AATK: variants seen among roughly 807,000 people sequenced by gnomAD.
AATK encodes the protein serine/threonine-protein kinase LMTK1.
AATK carries 91 observed loss-of-function variants against 114.3 expected under a neutral mutation model. That is an observed-to-expected ratio of 0.80 (90% confidence interval 0.67 to 0.95). The LOEUF (loss-of-function observed/expected upper bound fraction) is 0.95, where lower values mean the gene tolerates loss of function less well. Among genes scored for constraint, AATK ranks in the 40% least tolerant of loss-of-function variants. The pLI, the probability that AATK is intolerant of heterozygous loss-of-function variation, is 0.00. For synonymous variants in AATK, 1,075 were observed against 916.5 expected (o/e 1.17, Z -3.12); for missense variants, 2,176 against 1,965.2 (o/e 1.11, Z -2.03).
Position 81,126,506 on chromosome 17 carries a change from C to G in AATK, c.676G>C (p.Asp226His). The G allele has an allele frequency of 6.4e-7, 1 of 1,550,990 alleles. No homozygotes were observed. Residue 226 changes from aspartate to histidine, a missense_variant, in exon 7 of 14, where the codon GAC (aspartate) becomes CAC (histidine). Transcript: ENST00000326724. The surrounding 1 kb of genome is among the most constrained non-coding windows in gnomAD (Gnocchi z 5.1). The part of the protein sequence containing the change: ...SCRVAESMAP[D>H]PRTLQRMACE... The stretch of plus-strand genomic sequence containing the variant: ...GCCATGCGCTGCAGGGTCCGGGGGT[C>G]GGGAGCCATGGACTCCGCCACCCGG...
At chr17:81,124,192 A>AGGTGAGGCAG (rs1266848573) in intron 9 of AATK, among the ~76,000 whole-genome samples, 1 of 151,760 alleles carries the variant, frequency 6.6e-6, no homozygotes, top group African/African-American at 2.4e-5. Context: ...GAAGCAGCAG[A>AGGTGAGGCAG]GGTGAGGCAG....
chr17:81,142,289 T>C (rs2061150961), intron 1 of AATK, among the ~76,000 whole-genome samples: 1 of 149,948 alleles, frequency 6.7e-6, no homozygotes. Flanking sequence ...CTTTTTTTTT[T>C]TGAGACAGAA....
At chr17:81,119,831 C>T in intron 12 of AATK, 105 bp downstream of exon 12, 1 of 1,368,820 alleles carries the variant, frequency 7.3e-7, no homozygotes, top group Non-Finnish European at 9.5e-7. Context: ...CGTCAAGGAC[C>T]AGGTGCTCCT....
intron 1 of AATK, among the ~76,000 whole-genome samples, chr17:81,159,333 C>T (rs549428104): frequency 7.9e-5 from 12 of 152,204 alleles, no homozygotes; most frequent in Non-Finnish European, 1.5e-4. Context: ...GGGAGGGCGC[C>T]GGCGGCCTGC....
chr17:81,131,935 C>T (rs758224896), intron 2 of AATK: 7 of 1,344,462 alleles, frequency 5.2e-6, no homozygotes, highest in Non-Finnish European at 4.9e-6. Context: ...AGCCTTGGAC[C>T]TTCACCTGGT....
In AATK at chr17:81,146,575, G is replaced by T. The variant is rs142478538; in HGVS notation, c.56-12074C>A. 8.3e-3 allele frequency among the ~76,000 whole-genome samples: 1,268 copies of T among 152,224 alleles called. 27 individuals are homozygous for T. Among genetic ancestry groups the T allele is most frequent in the African/African-American group, 0.028 (1,153 of 41,534 alleles). ...TACTAAAAATACAAAAATTAGCCGG[G>T]CATGGTGGCAGGTGCCTGTAGTCCC... On this transcript the variant is annotated intron_variant, in intron 1 of 13. Coordinates refer to ENST00000326724, the MANE Select transcript of AATK (RefSeq NM_001080395.3).
chr17:81,119,229 T>TGGGGCCGGGAAGGGGC, intron 13 of AATK, 151 bp downstream of exon 13: 1 of 810,910 alleles, frequency 1.2e-6, no homozygotes, highest in South Asian at 2.1e-5. Context: ...AGGCTAGGTC[T>TGGGGCCGGGAAGGGGC]GGGGCCGGGA....
chr17:81,161,658 T>G (rs2061430768), intron 1 of AATK, among the ~76,000 whole-genome samples: 1 of 151,976 alleles, frequency 6.6e-6, no homozygotes, highest in Non-Finnish European at 1.5e-5. Flanking sequence ...GGAGCGTGGG[T>G]GCTGCCGGAC....
At position 81,126,713 on chromosome 17, in the gene AATK, C is replaced by T; in HGVS notation, c.622-153G>A. On this transcript the variant is annotated intron_variant, in intron 6 of 13. Coordinates refer to ENST00000326724, the MANE Select transcript of AATK (RefSeq NM_001080395.3). The surrounding 1 kb of genome is among the most constrained non-coding windows in gnomAD (Gnocchi z 5.1). ...CTCGTGCCCTGCACAGTGGCCAGCA[C>T]CCAGCAGTTCCTGGAGGGGGGCCGT... 1 of 1,423,504 alleles carries T rather than the reference C, an allele frequency of 7.0e-7. No homozygotes were observed. The highest frequency in any genetic ancestry group is 1.5e-5 in the South Asian group (1 of 65,286). 88.2% of individuals were successfully genotyped at this position (1,423,504 alleles called of 1,614,324 possible).
chr17:81,143,535 AC>A (rs1457301711), intron 1 of AATK, among the ~76,000 whole-genome samples: 1 of 21,234 alleles, frequency 4.7e-5, no homozygotes, highest in African/African-American at 1.5e-4. Context: ...TGCAGCCCCC[AC>A]CCCCCGTGTC....
chr17:81,147,322 C>T (rs2061235162), intron 1 of AATK, among the ~76,000 whole-genome samples: 1 of 147,080 alleles, frequency 6.8e-6, no homozygotes, highest in Non-Finnish European at 1.5e-5. Flanking sequence ...GATCTCACCA[C>T]TGCACTCCAG....
In AATK at chr17:81,119,706, A is replaced by T. The variant is rs1191032991; in HGVS notation, c.3884-126T>A. 12 of 620,158 alleles carry T rather than the reference A, an allele frequency of 1.9e-5. No homozygotes were observed. The South Asian group carries it at 2.9e-4, about 15-fold the overall frequency. 38.4% of individuals were successfully genotyped at this position (620,158 alleles called of 1,614,324 possible). A position where few individuals can be genotyped will look rare whatever the true frequency, so the allele number is the denominator to read the frequency against. On this transcript the variant is annotated intron_variant, in intron 12 of 13. Transcript: ENST00000326724. ...ACGGGCCCAGGCCCCGCCTCCCATG[A>T]TGTCACGGGCCCAGGCCCCGCCTCC...
chr17:81,120,062 C>G lies in AATK; in HGVS notation c.3757G>C (p.Gly1253Arg), dbSNP rs1011949179. 13 of 1,458,014 alleles carry G rather than the reference C, an allele frequency of 8.9e-6. No individual in the cohort carries two copies. Among genetic ancestry groups the G allele is most frequent in the East Asian group, 5.4e-5 (2 of 37,310 alleles). The allele number at this position is 1,458,014 out of a possible 1,614,324, so 90.3% of individuals were successfully genotyped here. Residue 1253 changes from glycine to arginine, a missense_variant, in exon 12 of 14, where the codon GGG becomes CGG. Transcript: ENST00000326724. ...TCCTTGGCGCCCGGGAAGGGCTCCC[C>G]GAGCTCCCGGGTGGGGCTTTCCTGG... The part of the protein sequence containing the change: ...FDQESPTREL[G>R]EPFPGAKESP...
At chr17:81,159,889 G>A (rs1193570644) in intron 1 of AATK, among the ~76,000 whole-genome samples, 3 of 152,154 alleles carry the variant, frequency 2.0e-5, no homozygotes, top group Non-Finnish European at 4.4e-5. Flanking sequence ...GGGACAGGGA[G>A]GGGTCTTCCT....
rs2060677995 is a variant in AATK, at chr17:81,119,993, C to T, written c.3826G>A (p.Ala1276Thr). The T allele has an allele frequency of 9.0e-6, 13 of 1,445,730 alleles. No individual in the cohort carries two copies. Among genetic ancestry groups the T allele is most frequent in the Non-Finnish European group, 1.1e-5 (12 of 1,098,802 alleles). The allele number at this position is 1,445,730 out of a possible 1,614,324, so 89.6% of individuals were successfully genotyped here. A position where few individuals can be genotyped will look rare whatever the true frequency, so the allele number is the denominator to read the frequency against. The change falls in exon 12 of 14, where the codon GCC (alanine) becomes ACC (threonine). Residue 1276 changes from alanine (A) to threonine (T), a missense_variant. By Grantham distance (58) the Ala-to-Thr change is moderately conservative. This residue lies in a region of AATK where 1,701 missense variants were observed against 1,394.7 expected (regional missense o/e 1.22). Coordinates refer to ENST00000326724, the MANE Select transcript of AATK (RefSeq NM_001080395.3). ...FLRGSPGSPS[A>T]PNRPQQADGS... is the part of the protein sequence containing the mutation. ...TCAGCCTGCTGCGGCCGGTTGGGGG[C>T]GCTGGGAGAGCCGGGGCTCCCCCTA... is the stretch of plus-strand genomic sequence containing the variant.
Position 81,121,668 on chromosome 17 carries a change from A to G in AATK, c.2268T>C (p.Pro756=). The G allele has an allele frequency of 1.3e-6, 2 of 1,500,024 alleles. No individual in the cohort carries two copies. The highest frequency in any genetic ancestry group is 1.8e-6 in the Non-Finnish European group (2 of 1,129,006). The allele number at this position is 1,500,024 out of a possible 1,614,324, so 92.9% of individuals were successfully genotyped here. A position where few individuals can be genotyped will look rare whatever the true frequency, so the allele number is the denominator to read the frequency against. ...PHLCSAQGLA[P]APCLVTPSWT... ...AGGAGGGTGTAACCAGGCAGGGAGCAGGTGCCAGGCCCTGGGCAGAGCATA... is the reference window on the plus strand; with the variant it reads ...AGGAGGGTGTAACCAGGCAGGGAGCGGGTGCCAGGCCCTGGGCAGAGCATA... Residue 756 remains proline (P), a synonymous_variant, in exon 11 of 14, where the codon CCT becomes CCC. Transcript: ENST00000326724.
intron 1 of AATK, among the ~76,000 whole-genome samples, chr17:81,159,964 C>T (rs2061410832): frequency 1.3e-5 from 2 of 152,172 alleles, no homozygotes; most frequent in Non-Finnish European, 2.9e-5. Context: ...CCACACCCTC[C>T]CCGAGGGTGA....
chr17:81,138,203 AC>A (rs1184776863), intron 1 of AATK, among the ~76,000 whole-genome samples: 1 of 147,180 alleles, frequency 6.8e-6, no homozygotes, highest in East Asian at 2.0e-4. Context: ...ACACACACAC[AC>A]CCCCACATGC....
chr17:81,121,667 C>A lies in AATK; in HGVS notation c.2269G>T (p.Ala757Ser). The change falls in exon 11 of 14, where the codon GCT becomes TCT. Residue 757 changes from alanine (A) to serine (S), a missense_variant. This residue lies in a region of AATK where 1,701 missense variants were observed against 1,394.7 expected (regional missense o/e 1.22). Transcript: ENST00000326724. ...HLCSAQGLAP[A>S]PCLVTPSWTE... ...CAGGAGGGTGTAACCAGGCAGGGAG[C>A]AGGTGCCAGGCCCTGGGCAGAGCAT... 6.7e-7 allele frequency: 1 copy of A among 1,498,550 alleles called. No homozygotes were observed. Among genetic ancestry groups the A allele is most frequent in the Non-Finnish European group, 8.9e-7 (1 of 1,128,154 alleles). 92.8% of individuals were successfully genotyped at this position (1,498,550 alleles called of 1,614,324 possible).
Sources: allele counts gnomAD v4.1 joint callset (sites outside exome capture counted in the v4.1 genomes callset), GRCh38; gene constraint gnomAD v4.1.1; regional missense constraint gnomAD v4.1.1; non-coding constraint Gnocchi (gnomAD v3.1); transcripts MANE v1.5; gene names NCBI Gene and HGNC (gene_info 2026-07-23, HGNC 2026-07-21).